TAF15: variants seen among roughly 807,000 people sequenced by gnomAD.
The protein encoded by TAF15 is TATA-box binding protein associated factor 15, also known as TATA-binding protein-associated factor 2N.
TAF15 carries 37 observed loss-of-function variants against 102.5 expected under a neutral mutation model. The ratio of observed to expected loss-of-function variants is 0.36; its 90% CI spans 0.28 to 0.47. The LOEUF (loss-of-function observed/expected upper bound fraction) is 0.47. Ranked by LOEUF, TAF15 falls within the 20% of genes least tolerant of loss-of-function variation. The pLI is 0.99. For synonymous variants in TAF15, 273 were observed against 259.2 expected (o/e 1.05, Z -0.51); for missense variants, 652 against 760.7 (o/e 0.86, Z 1.68).
At chr17:35,836,334 C>A in intron 10 of TAF15, 93 bp downstream of exon 10, 1 of 903,922 alleles carries the variant, frequency 1.1e-6, no homozygotes, top group Admixed American at 2.2e-5. Context: ...TTCAGTACGC[C>A]TTGTCTCTTA....
intron 7 of TAF15, among the ~76,000 whole-genome samples, chr17:35,827,261 A>G (rs377315332): frequency 1.3e-5 from 2 of 151,230 alleles, no homozygotes; most frequent in African/African-American, 4.9e-5. Context: ...GTGTGAACCC[A>G]GGAGGCGGAG....
chr17:35,838,361 C>T, intron 10 of TAF15, 63 bp from the exon 11 acceptor site: 2 of 1,599,130 alleles, frequency 1.3e-6, no homozygotes, highest in Non-Finnish European at 1.7e-6. Context: ...CTTTGATTAT[C>T]TAAATGATAC....
rs2087296727 is a variant in TAF15 at position 35,824,083 on chromosome 17, C to A, written c.490C>A (p.Arg164Ser). The change falls in exon 7 of 16, where the codon CGT becomes AGT. Residue 164 changes from arginine to serine, a missense_variant. Physicochemically the swap from Arg to Ser is moderately radical, Grantham distance 110 (BLOSUM62 -1). This residue lies in a region of TAF15 where 243 missense variants were observed against 284.1 expected (regional missense o/e 0.86). Transcript: ENST00000605844. ...ENYSHHTQDD[R>S]RDVSRYGEDN... The stretch of plus-strand genomic sequence containing the variant: ...TAATATTTTCTTTTTTGTAGATGAC[C>A]GTCGTGATGTGAGTAGGTATGGAGA... The A allele has an allele frequency of 6.2e-7, 1 of 1,613,814 alleles. No individual in the cohort carries two copies. Among genetic ancestry groups the A allele is most frequent in the Non-Finnish European group, 8.5e-7 (1 of 1,179,978 alleles).
intron 1 of TAF15, among the ~76,000 whole-genome samples, chr17:35,812,781 A>C (rs2087141479): frequency 6.6e-6 from 1 of 152,086 alleles, no homozygotes; most frequent in African/African-American, 2.4e-5. Flanking sequence ...ATCTGAGAGA[A>C]TATTTTTATG....
At chr17:35,823,725 AAAAG>A in intron 6 of TAF15, 1 of 288,880 alleles carries the variant, frequency 3.5e-6, no homozygotes, top group South Asian at 3.4e-5. Flanking sequence ...AAAAAAAAAA[AAAAG>A]ATTGGGGTCG....
intron 12 of TAF15, 41 bp from the exon 13 acceptor site, chr17:35,844,036 T>C (rs370990955): frequency 2.4e-4 from 371 of 1,546,470 alleles, no homozygotes; most frequent in Non-Finnish European, 3.0e-4. Context: ...GTTTTGTTAA[T>C]ATCTGCTGCT....
At chr17:35,819,765 T>C (rs1365223177) in intron 2 of TAF15, among the ~76,000 whole-genome samples, 1 of 152,224 alleles carries the variant, frequency 6.6e-6, no homozygotes, top group Non-Finnish European at 1.5e-5. Context: ...TTACCAAGTT[T>C]TGTTTATTTC....
In TAF15 at chr17:35,834,698, G is replaced by A. The variant is rs2087449013; in HGVS notation, c.673+100G>A. 3 of 830,184 alleles carry A rather than the reference G, an allele frequency of 3.6e-6. No individual in the cohort carries two copies. The East Asian group carries it at 9.3e-5, about 26-fold the overall frequency. 51.4% of individuals were successfully genotyped at this position (830,184 alleles called of 1,614,324 possible). A position where few individuals can be genotyped will look rare whatever the true frequency, so the allele number is the denominator to read the frequency against. ...TTGGAGGGGCTTAGTACAGGAGGAA[G>A]ATTTAATTTGATAGTGCTGCCAGAA... On this transcript the variant is annotated intron_variant, in intron 9 of 15. Transcript: ENST00000605844.
intron 7 of TAF15, chr17:35,830,185 C>T (rs1409772799): frequency 1.3e-5 from 2 of 151,528 alleles, no homozygotes; most frequent in Non-Finnish European, 2.9e-5. Flanking sequence ...GGCTGTGACG[C>T]GTACCTGTAG....
chr17:35,832,852 T>G (rs2087423638), intron 7 of TAF15, among the ~76,000 whole-genome samples: 1 of 152,132 alleles, frequency 6.6e-6, no homozygotes, highest in African/African-American at 2.4e-5. Flanking sequence ...CTTGTGATTC[T>G]AATTTGCCAG....
chr17:35,821,801 G>C (rs748287022), intron 5 of TAF15, among the ~76,000 whole-genome samples: 2 of 152,070 alleles, frequency 1.3e-5, no homozygotes, highest in Non-Finnish European at 2.9e-5. Context: ...GTGTTACAAA[G>C]CAGGTTCTTT....
chr17:35,845,171 T>C (rs2087609363), intron 15 of TAF15, 133 bp downstream of exon 15: 1 of 1,160,704 alleles, frequency 8.6e-7, no homozygotes, highest in African/African-American at 1.5e-5. Context: ...GAAGATGATT[T>C]AGTTTCCTGC....
chr17:35,816,406 A>C (rs1343236512), intron 1 of TAF15, among the ~76,000 whole-genome samples: 2 of 152,224 alleles, frequency 1.3e-5, no homozygotes, highest in African/African-American at 4.8e-5. Context: ...AGGCTGAGGC[A>C]GGAGAATGAC....
chr17:35,829,448 T>C lies in TAF15; in HGVS notation c.606-4459T>C, dbSNP rs186269019. On this transcript the variant is annotated intron_variant, in intron 7 of 15. Transcript: ENST00000605844. ...GAGATCGAGACCATCCTGGCTAACA[T>C]GGTGAAACTCCATCTCTACTAAAAA... Among the ~76,000 whole-genome samples, 541 of 150,596 alleles carry C rather than the reference T, an allele frequency of 3.6e-3. 4 individuals carry two copies. Among genetic ancestry groups the C allele is most frequent in the African/African-American group, 0.012 (506 of 41,112 alleles).
rs180801759 is a variant in TAF15 at position 35,814,495 on chromosome 17, G to A, written c.8-3221G>A. Among the ~76,000 whole-genome samples, 57 of 151,452 alleles carry A rather than the reference G, an allele frequency of 3.8e-4. No individual in the cohort carries two copies. In the East Asian group the frequency reaches 0.011, roughly 29 times the overall value. ...TTTTTTTTTTTAAGTTATGTTACTA[G>A]CCAAAATAAAGTTCAGACGTAATGT... On this transcript the variant is annotated intron_variant, in intron 1 of 15. Transcript: ENST00000605844.
intron 11 of TAF15, among the ~76,000 whole-genome samples, chr17:35,839,631 C>T (rs2087519378): frequency 6.6e-6 from 1 of 152,082 alleles, no homozygotes; most frequent in South Asian, 2.1e-4. Context: ...ATCCGCCCAC[C>T]TCGGCCTCCC....
intron 8 of TAF15, 72 bp downstream of exon 8, chr17:35,834,013 G>C (rs1324468820): frequency 3.2e-6 from 5 of 1,546,536 alleles, no homozygotes; most frequent in Non-Finnish European, 4.5e-6. Flanking sequence ...ATATCCCGCA[G>C]ATGTAGTCAA....
chr17:35,822,809 G>GA lies in TAF15; in HGVS notation c.464dup (p.Asn155LysfsTer9). On this transcript the variant is annotated frameshift_variant, in exon 6 of 16. Transcript: ENST00000605844. LOFTEE classifies it high-confidence loss of function. Reference sequence around the variant, plus strand: ...CCAGCAGTCCTATCATTCACAAAGGGAAAACTACAGCCACCACACACAAGG... The same window carrying GA: ...CCAGCAGTCCTATCATTCACAAAGGGAAAAACTACAGCCACCACACACAAGG... 1 of 1,614,132 alleles carries GA rather than the reference G, an allele frequency of 6.2e-7. No homozygotes were observed. The highest frequency in any genetic ancestry group is 8.5e-7 in the Non-Finnish European group (1 of 1,180,016).
intron 7 of TAF15, chr17:35,833,466 CAA>C (rs1474961432): frequency 1.3e-5 from 2 of 158,510 alleles, no homozygotes; most frequent in East Asian, 3.5e-4. Context: ...TCCTAATACT[CAA>C]GTTTTTATTC....
Sources: allele counts gnomAD v4.1 joint callset (sites outside exome capture counted in the v4.1 genomes callset), GRCh38; gene constraint gnomAD v4.1.1; regional missense constraint gnomAD v4.1.1; transcripts MANE v1.5; gene names NCBI Gene and HGNC (gene_info 2026-07-23, HGNC 2026-07-21).